The following NAALADL2 variants were observed in gnomAD, a reference collection of about 807,000 sequenced individuals.
The protein encoded by NAALADL2 is inactive N-acetylated-alpha-linked acidic dipeptidase-like protein 2.
A neutral mutation model predicts 87.2 loss-of-function variants in NAALADL2; 76 were observed. The observed-to-expected ratio is 0.87, with a 90% confidence interval of 0.72 to 1.05. NAALADL2 has a LOEUF of 1.05. Among genes scored for constraint, NAALADL2 ranks in the 50% least tolerant of loss-of-function variants. The pLI is 0.00. For missense variants in NAALADL2, 1,089 were observed against 945.8 expected (o/e 1.15, Z -1.99); for synonymous variants, 354 against 331.0 (o/e 1.07, Z -0.75).
intron 10 of NAALADL2, among the ~76,000 whole-genome samples, chr3:175,577,466 A>C (rs1458304511): frequency 6.6e-6 from 1 of 152,158 alleles, no homozygotes; most frequent in African/African-American, 2.4e-5. Context: ...CAGGCTGAGG[A>C]GGTGGAATTT....
At chr3:174,564,527 A>C (rs1714005828) in intron 2 of NAALADL2, among the ~76,000 whole-genome samples, 1 of 152,042 alleles carries the variant, frequency 6.6e-6, no homozygotes, top group African/African-American at 2.4e-5. Context: ...AATTTTGTTA[A>C]ATTTATTGTT....
chr3:175,726,032 A>T (rs778936548), intron 11 of NAALADL2, among the ~76,000 whole-genome samples: 3 of 152,170 alleles, frequency 2.0e-5, no homozygotes, highest in South Asian at 2.1e-4. Context: ...TAGAACACTA[A>T]GAAATATTAA....
In NAALADL2 at chr3:175,458,592, TTATA is replaced by T. The variant is rs939626595; in HGVS notation, c.1235-4800_1235-4797del. Among the ~76,000 whole-genome samples, 4 of 148,250 alleles carry T rather than the reference TTATA, an allele frequency of 2.7e-5. No homozygotes were observed. The East Asian group carries it at 5.8e-4, about 22-fold the overall frequency. The stretch of plus-strand genomic sequence containing the variant: ...AATTTATAAATATAATAAAAATAAA[TTATA>T]TATATATAAAACCATGAGAACATAT... On this transcript the variant is annotated intron_variant, in intron 6 of 13. Coordinates refer to ENST00000454872, the MANE Select transcript of NAALADL2 (RefSeq NM_207015.3).
chr3:175,531,463 G>T (rs1734078796), intron 9 of NAALADL2, among the ~76,000 whole-genome samples: 1 of 152,184 alleles, frequency 6.6e-6, no homozygotes, highest in Admixed American at 6.5e-5. Flanking sequence ...TGGTGTGTTT[G>T]CTGCTTCTTG....
At position 175,008,956 on chromosome 3, in the gene NAALADL2, T is replaced by C. The variant is rs80005814; in HGVS notation, c.44-87834T>C. On this transcript the variant is annotated intron_variant, in intron 1 of 13. Transcript: ENST00000454872. Reference sequence around the variant, plus strand: ...TATCTTATTCCTTAAAAATAAGTCTTTTGTGAAAAAAGACAAATCTAAATG... The same window carrying C: ...TATCTTATTCCTTAAAAATAAGTCTCTTGTGAAAAAAGACAAATCTAAATG... Among the ~76,000 whole-genome samples, 347 of 152,300 alleles carry C rather than the reference T, an allele frequency of 2.3e-3. 10 individuals are homozygous for C. The East Asian group carries it at 0.055, about 24-fold the overall frequency.
At chr3:175,168,862 G>A (rs142473668) in intron 2 of NAALADL2, among the ~76,000 whole-genome samples, 58 of 151,830 alleles carry the variant, frequency 3.8e-4, no homozygotes, top group African/African-American at 1.3e-3. Context: ...CAAAATCTTT[G>A]TTATTTTGCT....
chr3:174,681,712 A>G (rs1727555156), intron 2 of NAALADL2, among the ~76,000 whole-genome samples: 1 of 152,114 alleles, frequency 6.6e-6, no homozygotes, highest in Admixed American at 6.5e-5. Context: ...GTGACCTACA[A>G]CTTTTCCAGT....
intron 5 of NAALADL2, among the ~76,000 whole-genome samples, chr3:175,408,680 G>T (rs1712890444): frequency 6.6e-6 from 1 of 151,892 alleles, no homozygotes; most frequent in South Asian, 2.1e-4. Flanking sequence ...AAATAGATTG[G>T]TCTTGTTTAT....
chr3:175,212,531 A>T (rs898463196), intron 2 of NAALADL2, among the ~76,000 whole-genome samples: 1 of 151,598 alleles, frequency 6.6e-6, no homozygotes, highest in Admixed American at 6.6e-5. Flanking sequence ...AGGAAAGACC[A>T]TGAATCATAA....
At chr3:174,973,966 A>C (rs1420510940) in intron 1 of NAALADL2, among the ~76,000 whole-genome samples, 1 of 152,202 alleles carries the variant, frequency 6.6e-6, no homozygotes, top group Non-Finnish European at 1.5e-5. Flanking sequence ...CCAAAATAGA[A>C]ATGATATAAC....
rs983633463 is a variant in NAALADL2, at chr3:175,808,207, ATTTC to A, written c.*5007_*5010del. ...TACCCTGATTATTGCAAGATGACAT[ATTTC>A]TTAAGCCATTTATAATCTCATATTC... On this transcript the variant is annotated 3_prime_UTR_variant, in exon 14 of 14. Coordinates refer to ENST00000454872, the MANE Select transcript of NAALADL2 (RefSeq NM_207015.3). 85 of 152,036 alleles carry A rather than the reference ATTTC, an allele frequency of 5.6e-4. No homozygotes were observed. Among genetic ancestry groups the A allele is most frequent in the African/African-American group, 2.0e-3 (81 of 41,520 alleles). The allele number at this position is 152,036 out of a possible 1,614,324, so 9.4% of individuals were successfully genotyped here.
chr3:175,649,218 C>A (rs1298015961), intron 11 of NAALADL2, among the ~76,000 whole-genome samples: 1 of 152,046 alleles, frequency 6.6e-6, no homozygotes, highest in Non-Finnish European at 1.5e-5. Context: ...TCCAAGACTA[C>A]TCATTATTCT....
chr3:175,793,325 T>TTTC (rs1354836033), intron 13 of NAALADL2, among the ~76,000 whole-genome samples: 3 of 142,508 alleles, frequency 2.1e-5, no homozygotes, highest in Non-Finnish European at 3.1e-5. Flanking sequence ...TTTTTTTTTT[T>TTTC]CGAGACGGAG....
In NAALADL2 at chr3:175,804,584, T is replaced by A. The variant is rs1754540170; in HGVS notation, c.*1381T>A. On this transcript the variant is annotated 3_prime_UTR_variant, in exon 14 of 14. Coordinates refer to ENST00000454872, the MANE Select transcript of NAALADL2 (RefSeq NM_207015.3). ...CCCCTTAGGAAACATAGCCTCAGAG[T>A]ATTTCATATAAATTTTCTCTATCTA... 6.6e-6 allele frequency: 1 copy of A among 151,794 alleles called. No individual in the cohort carries two copies. The highest frequency in any genetic ancestry group is 6.6e-5 in the Admixed American group (1 of 15,180). The allele number at this position is 151,794 out of a possible 1,614,324, so 9.4% of individuals were successfully genotyped here. A position where few individuals can be genotyped will look rare whatever the true frequency, so the allele number is the denominator to read the frequency against.
At chr3:174,564,568 AG>A (rs2108518934) in intron 2 of NAALADL2, among the ~76,000 whole-genome samples, 1 of 152,278 alleles carries the variant, frequency 6.6e-6, no homozygotes, top group South Asian at 2.1e-4. Context: ...ATTTTGTCTA[AG>A]TAACCTAATA....
chr3:175,692,888 C>A (rs192593937), intron 11 of NAALADL2, among the ~76,000 whole-genome samples: 5 of 152,108 alleles, frequency 3.3e-5, no homozygotes, highest in African/African-American at 4.8e-5. Context: ...GAGCTGTCCA[C>A]AAGACCCATA....
intron 9 of NAALADL2, among the ~76,000 whole-genome samples, chr3:175,542,976 T>A (rs996100711): frequency 2.0e-5 from 3 of 152,186 alleles, no homozygotes; most frequent in African/African-American, 7.2e-5. Flanking sequence ...TTAGGATTCA[T>A]TATCCTGGCA....
In NAALADL2 at chr3:175,715,493, G is replaced by A. The variant is rs78586449; in HGVS notation, c.1897-21813G>A. 1.6e-3 allele frequency among the ~76,000 whole-genome samples: 247 copies of A among 152,214 alleles called. 3 individuals carry two copies. The Middle Eastern group carries it at 0.017, about 10-fold the overall frequency. ...GACATTGTAAATGTTATTATTAGAT[G>A]TCTTTATTATTTCTCCATAATCCTT... On this transcript the variant is annotated intron_variant, in intron 11 of 13. Transcript: ENST00000454872.
At chr3:174,977,449 A>T (rs1168716432) in intron 1 of NAALADL2, among the ~76,000 whole-genome samples, 1 of 152,188 alleles carries the variant, frequency 6.6e-6, no homozygotes, top group Non-Finnish European at 1.5e-5. Flanking sequence ...TTTTAAAGTG[A>T]CTTCACCTTT....
Sources: allele counts gnomAD v4.1 joint callset (sites outside exome capture counted in the v4.1 genomes callset), GRCh38; gene constraint gnomAD v4.1.1; transcripts MANE v1.5; gene names NCBI Gene and HGNC (gene_info 2026-07-23, HGNC 2026-07-21).